Variants in CNTN5 observed in about 807,000 individuals in gnomAD.
CNTN5 encodes the protein contactin 5, also known as contactin-5.
In CNTN5, 77 loss-of-function variants were observed where a neutral mutation model predicts 129.1. That is an observed-to-expected ratio of 0.60 (90% confidence interval 0.50 to 0.72). The LOEUF (loss-of-function observed/expected upper bound fraction) is 0.72. CNTN5 is among the 30% of genes least tolerant of loss of function. CNTN5 has a pLI of 0.00. For synonymous variants in CNTN5, 509 were observed against 465.6 expected, an observed-to-expected ratio of 1.09 and a Z score of -1.20; for missense variants, 1,478 against 1,328.8, an observed-to-expected ratio of 1.11 and a Z score of -1.75.
In CNTN5 at chr11:100,341,149, C is replaced by T. The variant is rs751333024; in HGVS notation, c.2974C>T (p.Leu992=). 2 of 1,613,902 alleles carry T rather than the reference C, an allele frequency of 1.2e-6. No individual in the cohort carries two copies. The highest frequency in any genetic ancestry group is 1.1e-5 in the South Asian group (1 of 91,078). The stretch of plus-strand genomic sequence containing the variant: ...GGAGCAGCAAGGCTCTCAGGTTTCT[C>T]TGGGCTGGGAACCCGTCATACCATT... ...RWEQQGSQVS[L]GWEPVIPLAN... is the part of the protein sequence containing the mutation. Residue 992 remains leucine (L), a synonymous_variant, in exon 23 of 25, where the codon CTG becomes TTG. Coordinates refer to ENST00000524871, the MANE Select transcript of CNTN5 (RefSeq NM_014361.4).
At chr11:100,042,929 C>A (rs1311214029) in intron 9 of CNTN5, among the ~76,000 whole-genome samples, 2 of 152,164 alleles carry the variant, frequency 1.3e-5, no homozygotes, top group Non-Finnish European at 2.9e-5. Flanking sequence ...GATATAATTT[C>A]AACAGAACTA....
chr11:100,320,423 T>C (rs1591511691), intron 21 of CNTN5, among the ~76,000 whole-genome samples: 1 of 152,288 alleles, frequency 6.6e-6, no homozygotes, highest in African/African-American at 2.4e-5. Flanking sequence ...TTGAGTTGCA[T>C]ATATATTTTG....
intron 2 of CNTN5, among the ~76,000 whole-genome samples, chr11:99,350,986 C>T (rs773265409): frequency 4.0e-5 from 6 of 151,584 alleles, no homozygotes; most frequent in Non-Finnish European, 8.8e-5. Flanking sequence ...CAAATGGACC[C>T]AGGGAGGGGA....
chr11:99,350,724 C>G (rs777674150), intron 2 of CNTN5, among the ~76,000 whole-genome samples: 2 of 151,952 alleles, frequency 1.3e-5, no homozygotes, highest in Non-Finnish European at 2.9e-5. Context: ...CAGTGTGATT[C>G]TATGTCTATT....
intron 16 of CNTN5, among the ~76,000 whole-genome samples, chr11:100,233,922 T>A (rs937411330): frequency 4.6e-5 from 7 of 152,054 alleles, no homozygotes; most frequent in Non-Finnish European, 8.8e-5. Flanking sequence ...AGGGCTAATA[T>A]CCAGAATCTA....
chr11:99,767,286 T>A (rs993014617), intron 3 of CNTN5, among the ~76,000 whole-genome samples: 2 of 152,068 alleles, frequency 1.3e-5, no homozygotes, highest in Non-Finnish European at 2.9e-5. Flanking sequence ...AAGTGGTAAT[T>A]ATTAAATCAG....
At chr11:99,820,103 A>T (rs1946748556) in intron 4 of CNTN5, among the ~76,000 whole-genome samples, 1 of 151,920 alleles carries the variant, frequency 6.6e-6, no homozygotes, top group African/African-American at 2.4e-5. Flanking sequence ...CTTGAGACAG[A>T]CACTACTGGG....
intron 2 of CNTN5, among the ~76,000 whole-genome samples, chr11:99,501,688 C>T (rs1195470009): frequency 6.6e-6 from 1 of 152,206 alleles, no homozygotes; most frequent in Non-Finnish European, 1.5e-5. Flanking sequence ...CAATTACCCA[C>T]TCAGCAAATA....
At chr11:100,272,315 T>C (rs1385935521) in intron 18 of CNTN5, among the ~76,000 whole-genome samples, 1 of 152,202 alleles carries the variant, frequency 6.6e-6, no homozygotes, top group African/African-American at 2.4e-5. Flanking sequence ...ATAGGTCAGA[T>C]ACACATATAC....
intron 8 of CNTN5, among the ~76,000 whole-genome samples, chr11:99,961,092 C>T (rs11222057): frequency 0.17 from 25,285 of 151,336 alleles, 2,216 homozygotes; most frequent in Middle Eastern, 0.22. Flanking sequence ...GTAGTCCCCA[C>T]TACCCGGGAG....
intron 18 of CNTN5, among the ~76,000 whole-genome samples, chr11:100,293,142 A>G (rs891373498): frequency 4.6e-5 from 7 of 151,864 alleles, no homozygotes; most frequent in African/African-American, 1.7e-4. Flanking sequence ...CAAATCTTAT[A>G]CAAAGATTAT....
intron 13 of CNTN5, among the ~76,000 whole-genome samples, chr11:100,144,105 A>T (rs2138270259): frequency 6.6e-6 from 1 of 152,324 alleles, no homozygotes; most frequent in South Asian, 2.1e-4. Flanking sequence ...ATCAAATTTT[A>T]CTAAAATTTG....
At chr11:100,260,889 A>C (rs1255404342) in intron 17 of CNTN5, among the ~76,000 whole-genome samples, 1 of 152,226 alleles carries the variant, frequency 6.6e-6, no homozygotes, top group Admixed American at 6.5e-5. Flanking sequence ...CTGGCACAAG[A>C]CAAGGATGCC....
At chr11:99,841,570 AGAGT>A (rs1158132916) in intron 4 of CNTN5, among the ~76,000 whole-genome samples, 4 of 151,640 alleles carry the variant, frequency 2.6e-5, no homozygotes, top group African/African-American at 9.7e-5. Context: ...AAGTATAATA[AGAGT>A]GAGAAAAAGG....
At chr11:99,082,075 T>C (rs1488088942) in intron 1 of CNTN5, among the ~76,000 whole-genome samples, 1 of 152,210 alleles carries the variant, frequency 6.6e-6, no homozygotes, top group East Asian at 1.9e-4. Flanking sequence ...GTCTCTGTGA[T>C]GTATTATGGT....
In CNTN5 at chr11:99,961,960, G is replaced by T. The variant is rs148102514; in HGVS notation, c.877+4951G>T. Among the ~76,000 whole-genome samples the T allele has an allele frequency of 4.4e-3, 655 of 150,486 alleles. 3 individuals carry two copies. The highest frequency in any genetic ancestry group is 0.016 in the African/African-American group (638 of 40,330). Reference sequence around the variant, plus strand: ...AACTTGCAAAATTTTCGATATATACGTAGAGAGACATATAGATAGATATAG... The same window carrying T: ...AACTTGCAAAATTTTCGATATATACTTAGAGAGACATATAGATAGATATAG... On this transcript the variant is annotated intron_variant, in intron 8 of 24. Coordinates refer to ENST00000524871, the MANE Select transcript of CNTN5 (RefSeq NM_014361.4).
intron 1 of CNTN5, among the ~76,000 whole-genome samples, chr11:99,323,349 A>C (rs1330300406): frequency 1.3e-5 from 2 of 152,160 alleles, no homozygotes; most frequent in African/African-American, 4.8e-5. Flanking sequence ...TTCCAGAGAC[A>C]AAATGGAAAA....
At chr11:100,027,272 A>G (rs1211355724) in intron 9 of CNTN5, among the ~76,000 whole-genome samples, 1 of 152,152 alleles carries the variant, frequency 6.6e-6, no homozygotes, top group African/African-American at 2.4e-5. Flanking sequence ...GAAATTGAGC[A>G]TTTTTGTATT....
chr11:99,978,286 A>T (rs1052478718), intron 8 of CNTN5, among the ~76,000 whole-genome samples: 22 of 152,372 alleles, frequency 1.4e-4, no homozygotes, highest in African/African-American at 5.3e-4. Flanking sequence ...AAATAAGTTT[A>T]TAAAGTAAAA....
Sources: gnomAD v4.1 joint callset for allele counts (sites outside exome capture counted in the v4.1 genomes callset) on GRCh38, gnomAD v4.1.1 for gene constraint, MANE v1.5 for transcripts, NCBI Gene and HGNC (gene_info 2026-07-23, HGNC 2026-07-21) for gene names.